Variants in ARHGEF1 observed in about 807,000 individuals in gnomAD.
The protein encoded by ARHGEF1 is Rho guanine nucleotide exchange factor 1, also known as 115 kDa guanine nucleotide exchange factor.
Under a neutral mutation model 119.7 loss-of-function variants are expected in ARHGEF1, and 40 were observed. The ratio of observed to expected loss-of-function variants is 0.33; its 90% CI spans 0.26 to 0.44. The LOEUF is 0.44. Among genes scored for constraint, ARHGEF1 ranks in the 20% least tolerant of loss-of-function variants. The probability of loss-of-function intolerance (pLI) is 1.00; values close to 1 mark genes in which losing one functional copy is unlikely to be tolerated. For synonymous variants in ARHGEF1, 494 were observed against 521.0 expected (o/e 0.95, Z 0.71); for missense variants, 976 against 1,268.3 (o/e 0.77, Z 3.50).
At chr19:41,908,595 G>A (rs1050322905), downstream of ARHGEF1, 52 of 1,231,648 alleles carry the variant, frequency 4.2e-5, no homozygotes, top group African/African-American at 5.3e-4. The surrounding 1 kb of genome is among the most constrained non-coding windows in gnomAD (Gnocchi z 6.7). Context: ...CGTGAGGTAC[G>A]GGTTAAAGTT....
chr19:41,924,081 A>C (rs1439384942), intron 1 of ARHGEF1, among the ~76,000 whole-genome samples: 2 of 150,510 alleles, frequency 1.3e-5, no homozygotes, highest in African/African-American at 2.5e-5. Flanking sequence ...GGGGGTGAGC[A>C]TGTGGAATGA....
chr19:41,902,152 C>T lies in ARHGEF1; in HGVS notation c.1414+119C>T. 1.3e-6 allele frequency: 2 copies of T among 1,554,460 alleles called. No homozygotes were observed. The highest frequency in any genetic ancestry group is 1.4e-5 in the African/African-American group (1 of 74,018). Reference sequence around the variant, plus strand: ...TTCACATGGGGTGGGGGCAGATACGCCATCCGGTCCCGAGGATCAGACACA... The same window carrying T: ...TTCACATGGGGTGGGGGCAGATACGTCATCCGGTCCCGAGGATCAGACACA... On this transcript the variant is annotated intron_variant, in intron 15 of 28. Transcript: ENST00000354532. The surrounding 1 kb of genome is among the most constrained non-coding windows in gnomAD (Gnocchi z 6.5).
At chr19:41,919,035 C>T (rs1555852191), upstream of ARHGEF1, among the ~76,000 whole-genome samples, 3 of 151,132 alleles carry the variant, frequency 2.0e-5, no homozygotes, top group African/African-American at 7.3e-5. Flanking sequence ...AGACACTATA[C>T]ATCACACCAC....
At chr19:41,900,591 A>G (rs1555848815) in intron 14 of ARHGEF1, among the ~76,000 whole-genome samples, 1 of 152,056 alleles carries the variant, frequency 6.6e-6, no homozygotes, top group Non-Finnish European at 1.5e-5. Context: ...ACCACTGTAT[A>G]ATGTGGCTTG....
chr19:41,909,913 A>C (rs2074742863), downstream of ARHGEF1: 3 of 1,613,714 alleles, frequency 1.9e-6, no homozygotes, highest in Non-Finnish European at 2.5e-6. The surrounding 1 kb of genome is among the most constrained non-coding windows in gnomAD (Gnocchi z 5.2). Context: ...TGCATTTGCG[A>C]ATACCCCACA....
Position 41,902,575 on chromosome 19 carries a change from C to T in ARHGEF1, c.1540C>T (p.Arg514Cys). ...EGSWFQKISS[R>C]FCSRQSFALE... ...CTCCTGGTTCCAGAAAATCTCCTCC[C>T]GCTTCTGCAGCCGCCAGTCATTTGC... Residue 514 changes from arginine to cysteine, a missense_variant, in exon 17 of 29, where the codon CGC becomes TGC. Around this residue, in one of 3 missense-constraint regions of ARHGEF1, gnomAD observed 286 missense variants for 506.8 expected, o/e 0.56. Transcript: ENST00000354532. The surrounding 1 kb of genome is among the most constrained non-coding windows in gnomAD (Gnocchi z 6.5). 6.2e-7 allele frequency: 1 copy of T among 1,614,190 alleles called. No homozygotes were observed. The highest frequency in any genetic ancestry group is 8.5e-7 in the Non-Finnish European group (1 of 1,180,026).
rs370594565 is a variant in ARHGEF1 at position 41,906,517 on chromosome 19, G to C, written c.2552G>C (p.Arg851Pro). 9 of 1,581,782 alleles carry C rather than the reference G, an allele frequency of 5.7e-6. No homozygotes were observed. The highest frequency in any genetic ancestry group is 5.1e-6 in the Non-Finnish European group (6 of 1,171,780). The change falls in exon 27 of 29, where the codon CGA becomes CCA. Residue 851 changes from arginine (R) to proline (P), a missense_variant. Around this residue, in one of 3 missense-constraint regions of ARHGEF1, gnomAD observed 171 missense variants for 180.6 expected, o/e 0.95. Coordinates refer to ENST00000354532, the MANE Select transcript of ARHGEF1 (RefSeq NM_004706.4). This position sits in a 1 kb window ranked among gnomAD's most constrained non-coding sequence, Gnocchi z 4.5. Reference protein sequence around the residue: ...AEEDNGAGPPRDGDGVPGGGP... With the variant: ...AEEDNGAGPPPDGDGVPGGGP... The stretch of plus-strand genomic sequence containing the variant: ...GAAGACAATGGGGCGGGGCCTCCTC[G>C]AGATGGGGATGGGGTCCCAGGGGGC...
In ARHGEF1 at chr19:41,905,921, C is replaced by G. The variant is rs782746686; in HGVS notation, c.2405-18C>G. On this transcript the variant is annotated intron_variant, in intron 25 of 28. Transcript: ENST00000354532. The surrounding 1 kb of genome is among the most constrained non-coding windows in gnomAD (Gnocchi z 6.4). Reference sequence around the variant, plus strand: ...AGGCCCGGCAGGATCTGAGCTCCCTCTCTGTTCCCCAATCCAGCCCGGACC... The same window carrying G: ...AGGCCCGGCAGGATCTGAGCTCCCTGTCTGTTCCCCAATCCAGCCCGGACC... 17 of 1,613,972 alleles carry G rather than the reference C, an allele frequency of 1.1e-5. No homozygotes were observed. Among genetic ancestry groups the G allele is most frequent in the East Asian group, 2.2e-5 (1 of 44,886 alleles).
rs1270895467 is a variant in ARHGEF1, at chr19:41,917,821, GCCATGGGACGGCTGCCAGCCCCAC to G, written c.1866-5266_1866-5243del. On this transcript the variant is annotated intron_variant, in intron 18 of 20. Coordinates refer to the ARHGEF1 transcript ENST00000599589. This position sits in a 1 kb window ranked among gnomAD's most constrained non-coding sequence, Gnocchi z 4.8. ...CACACACACACCATGCACAGCCCCA[GCCATGGGACGGCTGCCAGCCCCAC>G]CCATCTGTTGCCACACAAACGAGCC... 6.6e-6 allele frequency among the ~76,000 whole-genome samples: 1 copy of G among 151,678 alleles called. No individual in the cohort carries two copies. Among genetic ancestry groups the G allele is most frequent in the African/African-American group, 2.4e-5 (1 of 41,184 alleles).
At chr19:41,912,967 T>C in intron 18 of ARHGEF1, 1 of 1,022,928 alleles carries the variant, frequency 9.8e-7, no homozygotes, top group Non-Finnish European at 1.3e-6. Context: ...GGGGACGGGG[T>C]GGGCAGGAGA....
In ARHGEF1 at chr19:41,888,291, T is replaced by C; in HGVS notation, c.111+13T>C. On this transcript the variant is annotated intron_variant, in intron 3 of 28. Transcript: ENST00000354532. The surrounding 1 kb of genome is among the most constrained non-coding windows in gnomAD (Gnocchi z 5.1). Reference sequence around the variant, plus strand: ...CGAGCTGGAGACAGTGAGTGGGAGATAGGGTGGAAAAGCTCTGTCCCAGGC... The same window carrying C: ...CGAGCTGGAGACAGTGAGTGGGAGACAGGGTGGAAAAGCTCTGTCCCAGGC... 3.1e-6 allele frequency: 5 copies of C among 1,613,012 alleles called. No individual in the cohort carries two copies. The highest frequency in any genetic ancestry group is 4.2e-6 in the Non-Finnish European group (5 of 1,179,682).
At position 41,906,735 on chromosome 19, in the gene ARHGEF1, C is replaced by G. The variant is rs1289768060; in HGVS notation, c.2688C>G (p.Pro896=). Residue 896 remains proline, a synonymous_variant, in exon 28 of 29, where the codon CCC becomes CCG. Transcript: ENST00000354532. The surrounding 1 kb of genome is among the most constrained non-coding windows in gnomAD (Gnocchi z 4.5). ...AGGAGGAATTTTGCCGCCTGAGACC[C>G]CTCCTGTCTCAGCTTGGGGGGAACT... ...ELEEEFCRLR[P]LLSQLGGNSV... 1 of 1,611,456 alleles carries G rather than the reference C, an allele frequency of 6.2e-7. No homozygotes were observed. The highest frequency in any genetic ancestry group is 8.5e-7 in the Non-Finnish European group (1 of 1,178,938).
At chr19:41,893,326 G>A (rs781945481) in intron 8 of ARHGEF1, 23 bp downstream of exon 8, 1 of 1,590,556 alleles carries the variant, frequency 6.3e-7, no homozygotes. Context: ...GGGGAGGCGT[G>A]CGGCCTCCTG....
chr19:41,899,323 GT>G (rs1362501519), intron 14 of ARHGEF1, among the ~76,000 whole-genome samples: 6 of 152,196 alleles, frequency 3.9e-5, no homozygotes, highest in African/African-American at 1.4e-4. Context: ...GTTGTTACTA[GT>G]TTGATCTTAA....
chr19:41,902,090 T>C lies in ARHGEF1; in HGVS notation c.1414+57T>C. 6.2e-7 allele frequency: 1 copy of C among 1,602,388 alleles called. No homozygotes were observed. Among genetic ancestry groups the C allele is most frequent in the East Asian group, 2.2e-5 (1 of 44,754 alleles). On this transcript the variant is annotated intron_variant, in intron 15 of 28. Coordinates refer to ENST00000354532, the MANE Select transcript of ARHGEF1 (RefSeq NM_004706.4). This position sits in a 1 kb window ranked among gnomAD's most constrained non-coding sequence, Gnocchi z 6.5. Reference sequence around the variant, plus strand: ...CCCACTGCCCCACGGGCAGCTCTGCTCTAGCCCTGGGTTCAACCTGCTCGG... The same window carrying C: ...CCCACTGCCCCACGGGCAGCTCTGCCCTAGCCCTGGGTTCAACCTGCTCGG...
chr19:41,901,506 A>G (rs1375558583), intron 14 of ARHGEF1, among the ~76,000 whole-genome samples: 2 of 152,146 alleles, frequency 1.3e-5, no homozygotes, highest in East Asian at 1.9e-4. Flanking sequence ...CAGTAATGCC[A>G]TCATAGCTCA....
intron 18 of ARHGEF1, among the ~76,000 whole-genome samples, chr19:41,915,250 G>C (rs1326329265): frequency 6.7e-6 from 1 of 149,100 alleles, no homozygotes; most frequent in Non-Finnish European, 1.5e-5. Flanking sequence ...TGGGATCGGC[G>C]CTCCGGGCCC....
At chr19:41,898,255 G>C (rs570712602) in intron 13 of ARHGEF1, 187 bp from the exon 14 acceptor site, 11 of 1,296,018 alleles carry the variant, frequency 8.5e-6, no homozygotes, top group African/African-American at 3.0e-5. Context: ...GGAGGAGGAG[G>C]GGGTAGAATG....
Position 41,905,139 on chromosome 19 carries a change from G to T in ARHGEF1, c.2250-36G>T. ...GGAGGCCCTGGCATAGGGTCTGGGG[G>T]CTCTGACTGCCCAGGGATTTGGCCT... On this transcript the variant is annotated intron_variant, in intron 23 of 28. Coordinates refer to ENST00000354532, the MANE Select transcript of ARHGEF1 (RefSeq NM_004706.4). This position sits in a 1 kb window ranked among gnomAD's most constrained non-coding sequence, Gnocchi z 6.4. 1 of 1,612,536 alleles carries T rather than the reference G, an allele frequency of 6.2e-7. No homozygotes were observed. The highest frequency in any genetic ancestry group is 8.5e-7 in the Non-Finnish European group (1 of 1,178,654).
Sources: allele counts gnomAD v4.1 joint callset (sites outside exome capture counted in the v4.1 genomes callset), GRCh38; gene constraint gnomAD v4.1.1; regional missense constraint gnomAD v4.1.1; non-coding constraint Gnocchi (gnomAD v3.1); transcripts MANE v1.5; gene names NCBI Gene and HGNC (gene_info 2026-07-23, HGNC 2026-07-21).